The following LRRC71 variants were observed in gnomAD, a reference collection of about 807,000 sequenced individuals.
LRRC71 encodes the protein leucine-rich repeat-containing protein 71.
In LRRC71, 54 loss-of-function variants were observed where a neutral mutation model predicts 66.6. The observed-to-expected ratio is 0.81, with a 90% CI of 0.65 to 1.02. LRRC71 has a LOEUF of 1.02. Ranked by LOEUF, LRRC71 falls within the 50% of genes least tolerant of loss-of-function variation. The probability of loss-of-function intolerance (pLI) is 0.00; values close to 1 mark genes in which losing one functional copy is unlikely to be tolerated. For synonymous variants in LRRC71, 323 were observed against 303.9 expected, an observed-to-expected ratio of 1.06 and a Z score of -0.65; for missense variants, 724 against 718.0, an observed-to-expected ratio of 1.01 and a Z score of -0.10.
the LRRC71 span, chr1:156,939,201 G>T: frequency 3.3e-6 from 1 of 302,724 alleles, no homozygotes; most frequent in Non-Finnish European, 6.2e-6. Flanking sequence ...TCTTTTCCCT[G>T]GGAACAGGAG....
the LRRC71 span, chr1:156,939,823 A>C: frequency 2.8e-5 from 45 of 1,613,402 alleles, no homozygotes; most frequent in Non-Finnish European, 3.7e-5. Context: ...TGTGGGTGTC[A>C]GGTCGTCCTC....
intron 4 of LRRC71, 77 bp from the exon 5 acceptor site, chr1:156,924,861 G>T (rs1652953705): frequency 1.3e-6 from 2 of 1,518,000 alleles, no homozygotes; most frequent in East Asian, 4.9e-5. Context: ...GCACCGCTGG[G>T]AGAACGGTGT....
chr1:156,932,357 GT>G, intron 13 of LRRC71, 66 bp from the exon 14 acceptor site: 1 of 1,290,484 alleles, frequency 7.7e-7, no homozygotes, highest in South Asian at 1.3e-5. Flanking sequence ...TGCTGGGGAT[GT>G]CTGGTGTGTC....
intron 1 of LRRC71, among the ~76,000 whole-genome samples, chr1:156,921,315 C>T (rs1295836302): frequency 1.3e-5 from 2 of 152,150 alleles, no homozygotes; most frequent in African/African-American, 4.8e-5. Flanking sequence ...AGATATGTCA[C>T]GGAGGAGAAC....
At chr1:156,924,897 G>A (rs1652959764) in intron 4 of LRRC71, 41 bp from the exon 5 acceptor site, 2 of 1,548,552 alleles carry the variant, frequency 1.3e-6, no homozygotes, top group Admixed American at 2.0e-5. Context: ...GTAGGAGGGG[G>A]CGCTCTAGCT....
chr1:156,931,282 C>T (rs895358972), intron 12 of LRRC71, among the ~76,000 whole-genome samples: 8 of 152,154 alleles, frequency 5.3e-5, no homozygotes, highest in African/African-American at 1.9e-4. Flanking sequence ...ACACCCTAGG[C>T]AGGGAAGGGC....
At chr1:156,940,021 G>A in the LRRC71 span, 1 of 1,516,620 alleles carries the variant, frequency 6.6e-7, no homozygotes, top group Non-Finnish European at 8.8e-7. Context: ...CACAGGTGAA[G>A]CTGGAGGGCT....
At chr1:156,929,145 A>C in intron 9 of LRRC71, 135 bp from the exon 10 acceptor site, 1 of 1,040,054 alleles carries the variant, frequency 9.6e-7, no homozygotes, top group Middle Eastern at 3.1e-4. Context: ...TTATTTTAGC[A>C]TTTAGGCAGG....
chr1:156,924,892 A>AG, intron 4 of LRRC71, 46 bp from the exon 5 acceptor site: 1 of 1,546,514 alleles, frequency 6.5e-7, no homozygotes, highest in Non-Finnish European at 8.8e-7. Flanking sequence ...TTCCAGTAGG[A>AG]GGGGGCGCTC....
rs910176645 is a variant in LRRC71 at position 156,920,639 on chromosome 1, T to C, written c.-165T>C. On this transcript the variant is annotated 5_prime_UTR_variant, in exon 1 of 15. Transcript: ENST00000337428. The surrounding 1 kb of genome is among the most constrained non-coding windows in gnomAD (Gnocchi z 4.9). ...GCCCGCCCGCCTCGCGCGGTTGTCT[T>C]GGAGAGGGACGCGTAGGCTACGCCA... 6.9e-6 allele frequency: 6 copies of C among 864,096 alleles called. No individual in the cohort carries two copies. Among genetic ancestry groups the C allele is most frequent in the Non-Finnish European group, 9.4e-6 (6 of 635,336 alleles). 53.5% of individuals were successfully genotyped at this position (864,096 alleles called of 1,614,324 possible). A position where few individuals can be genotyped will look rare whatever the true frequency, so the allele number is the denominator to read the frequency against.
the LRRC71 span, chr1:156,938,506 C>G: frequency 6.2e-7 from 1 of 1,613,126 alleles, no homozygotes; most frequent in South Asian, 1.1e-5. Context: ...TGCTGCCTGC[C>G]ACCTCAGCTG....
the LRRC71 span, chr1:156,939,430 T>C: frequency 7.0e-7 from 1 of 1,424,528 alleles, no homozygotes; most frequent in Non-Finnish European, 9.6e-7. Context: ...GGACCCAGCG[T>C]AGGTCTCTGC....
downstream of LRRC71, among the ~76,000 whole-genome samples, chr1:156,937,848 G>A (rs1655822133): frequency 6.6e-6 from 1 of 152,214 alleles, no homozygotes; most frequent in African/African-American, 2.4e-5. Flanking sequence ...GAAAGGAGCA[G>A]GCAGCAGCCC....
At chr1:156,927,880 C>T (rs1293717522) in intron 8 of LRRC71, 35 bp from the exon 9 acceptor site, 19 of 1,610,220 alleles carry the variant, frequency 1.2e-5, no homozygotes, top group Non-Finnish European at 1.5e-5. Context: ...CCTGACTACC[C>T]AGGCGTCCGA....
chr1:156,928,089 C>A, intron 9 of LRRC71, 85 bp downstream of exon 9: 1 of 1,298,290 alleles, frequency 7.7e-7, no homozygotes, highest in Non-Finnish European at 1.1e-6. Context: ...TTTCAGCAAA[C>A]TGGCCATCCA....
At position 156,929,316 on chromosome 1, in the gene LRRC71, C is replaced by T. The variant is rs757551279; in HGVS notation, c.1033C>T (p.Arg345Cys). The T allele has an allele frequency of 2.5e-6, 4 of 1,610,938 alleles. No homozygotes were observed. The highest frequency in any genetic ancestry group is 1.1e-5 in the South Asian group (1 of 90,418). ...SSRHGDSKTD[R>C]EKSQMVGISN... Reference sequence around the variant, plus strand: ...TCGACACGGGGACTCCAAAACGGACCGTGAGAAGAGTCAGATGGTAGGGAT... The same window carrying T: ...TCGACACGGGGACTCCAAAACGGACTGTGAGAAGAGTCAGATGGTAGGGAT... Residue 345 changes from arginine to cysteine, a missense_variant, in exon 10 of 15, where the codon CGT becomes TGT. Physicochemically the swap from Arg to Cys is radical, Grantham distance 180 (BLOSUM62 -3). Transcript: ENST00000337428.
At chr1:156,934,539 G>A (rs986854755), downstream of LRRC71, among the ~76,000 whole-genome samples, 17 of 151,482 alleles carry the variant, frequency 1.1e-4, no homozygotes, top group Admixed American at 3.9e-4. Context: ...GTATATATAT[G>A]TGTGTGTGTG....
In LRRC71 at chr1:156,927,401, A is replaced by G. The variant is rs192126347; in HGVS notation, c.663-95A>G. 396 of 1,517,462 alleles carry G rather than the reference A, an allele frequency of 2.6e-4. 1 individual carries two copies. In the Middle Eastern group the frequency reaches 6.7e-3, roughly 26 times the overall value. 94.0% of individuals were successfully genotyped at this position (1,517,462 alleles called of 1,614,324 possible). ...TCGATTTCTGCCCCTACATCCTCAG[A>G]CCAGACCGCCCCCTCAAGCGCTCAA... is the stretch of plus-strand genomic sequence containing the variant. On this transcript the variant is annotated intron_variant, in intron 6 of 14. Transcript: ENST00000337428.
intron 1 of LRRC71, among the ~76,000 whole-genome samples, chr1:156,923,085 C>G (rs1447526725): frequency 2.0e-5 from 3 of 152,212 alleles, no homozygotes; most frequent in Admixed American, 1.3e-4. Flanking sequence ...AACCCTCGAG[C>G]CTCTCTGCAT....
Sources: gnomAD v4.1 joint callset for allele counts (sites outside exome capture counted in the v4.1 genomes callset) on GRCh38, gnomAD v4.1.1 for gene constraint, Gnocchi (gnomAD v3.1) non-coding constraint, MANE v1.5 for transcripts, NCBI Gene and HGNC (gene_info 2026-07-23, HGNC 2026-07-21) for gene names.